The following SORCS1 variants were observed in gnomAD, a reference collection of about 807,000 sequenced individuals.
SORCS1 encodes sortilin related VPS10 domain containing receptor 1.
Under a neutral mutation model 146.1 loss-of-function variants are expected in SORCS1, and 60 were observed. That is an observed-to-expected ratio of 0.41 (90% confidence interval 0.33 to 0.51). The LOEUF (loss-of-function observed/expected upper bound fraction) is 0.51, where lower values mean the gene tolerates loss of function less well. SORCS1 is among the 20% of genes least tolerant of loss of function. The probability of loss-of-function intolerance (pLI) is 0.21; values close to 1 mark genes in which losing one functional copy is unlikely to be tolerated. For missense variants in SORCS1, 1,352 were observed against 1,487.6 expected (o/e 0.91, Z 1.50); for synonymous variants, 637 against 584.0 (o/e 1.09, Z -1.31).
chr10:107,145,610 A>G (rs1028057764), intron 1 of SORCS1, among the ~76,000 whole-genome samples: 29 of 152,368 alleles, frequency 1.9e-4, no homozygotes, highest in African/African-American at 6.5e-4. Context: ...AAGCAGGTCT[A>G]AAAATAATAA....
In SORCS1 at chr10:106,985,640, G is replaced by A. The variant is rs1030535551; in HGVS notation, c.559-29060C>T. ...AGCCTCTAACTTCCCGGGTTCAAGC[G>A]ATTCTCCTGCCTCAGCTTCCCGAGT... On this transcript the variant is annotated intron_variant, in intron 1 of 25. Transcript: ENST00000263054. 6.6e-5 allele frequency among the ~76,000 whole-genome samples: 10 copies of A among 151,216 alleles called. No homozygotes were observed. The East Asian group carries it at 7.9e-4, about 12-fold the overall frequency.
At chr10:107,050,257 C>G (rs967217836) in intron 1 of SORCS1, among the ~76,000 whole-genome samples, 1 of 151,962 alleles carries the variant, frequency 6.6e-6, no homozygotes, top group African/African-American at 2.4e-5. Flanking sequence ...TTTTTTCTGG[C>G]AACTTACTTT....
intron 1 of SORCS1, among the ~76,000 whole-genome samples, chr10:106,957,246 T>G (rs1955003208): frequency 6.6e-6 from 1 of 150,386 alleles, no homozygotes; most frequent in East Asian, 2.0e-4. Context: ...CGATCTCGGC[T>G]CACTGCAACC....
intron 2 of SORCS1, among the ~76,000 whole-genome samples, chr10:106,937,169 C>A (rs1953764391): frequency 1.1e-5 from 1 of 94,234 alleles, no homozygotes; most frequent in African/African-American, 3.5e-5. Context: ...CTCAGAAGAT[C>A]TGATTTTTTT....
intron 4 of SORCS1, among the ~76,000 whole-genome samples, chr10:106,772,084 G>GT (rs915135385): frequency 1.3e-5 from 2 of 152,128 alleles, no homozygotes; most frequent in African/African-American, 2.4e-5. Flanking sequence ...ATCTGTAAGG[G>GT]TTTTTTTAGA....
At chr10:106,750,621 C>T (rs1218556751) in intron 5 of SORCS1, among the ~76,000 whole-genome samples, 3 of 142,288 alleles carry the variant, frequency 2.1e-5, no homozygotes, top group Non-Finnish European at 4.5e-5. Flanking sequence ...CCCAGCTACT[C>T]GGGAGGCTGA....
chr10:107,146,621 G>A (rs1053915709), intron 1 of SORCS1, among the ~76,000 whole-genome samples: 1 of 152,082 alleles, frequency 6.6e-6, no homozygotes, highest in African/African-American at 2.4e-5. Context: ...GGAAAAACTT[G>A]AGGCTACTTG....
intron 3 of SORCS1, among the ~76,000 whole-genome samples, chr10:106,779,635 C>T (rs1426955173): frequency 6.7e-6 from 1 of 148,840 alleles, no homozygotes; most frequent in Non-Finnish European, 1.5e-5. Flanking sequence ...ACTGCAACCT[C>T]TGCCCTCTGC....
intron 12 of SORCS1, 28 bp from the exon 13 acceptor site, chr10:106,677,432 A>ACAAATC (rs757481540): frequency 1.3e-6 from 2 of 1,581,504 alleles, no homozygotes; most frequent in South Asian, 1.1e-5. Context: ...ATACATGGAC[A>ACAAATC]CACATCCACA....
intron 1 of SORCS1, among the ~76,000 whole-genome samples, chr10:106,999,527 G>A (rs541498236): frequency 2.6e-5 from 4 of 152,318 alleles, no homozygotes; most frequent in African/African-American, 9.6e-5. Context: ...AAATTACACA[G>A]AAGAAACAGG....
chr10:106,917,052 A>G (rs1952479669), intron 2 of SORCS1, among the ~76,000 whole-genome samples: 1 of 151,954 alleles, frequency 6.6e-6, no homozygotes, highest in Admixed American at 6.6e-5. Context: ...CCACTTTCCA[A>G]TTTTTCTTTT....
chr10:106,868,219 C>T (rs1950288996), intron 2 of SORCS1, among the ~76,000 whole-genome samples: 1 of 152,114 alleles, frequency 6.6e-6, no homozygotes, highest in African/African-American at 2.4e-5. Context: ...TAGAGATCTA[C>T]AAAGAAACAC....
At chr10:106,607,828 A>T (rs897174651) in intron 22 of SORCS1, among the ~76,000 whole-genome samples, 14 of 152,116 alleles carry the variant, frequency 9.2e-5, no homozygotes, top group African/African-American at 3.4e-4. Context: ...GACCCACCAC[A>T]TCCTAACCAC....
intron 1 of SORCS1, among the ~76,000 whole-genome samples, chr10:106,964,808 CTTGCTATG>C (rs1020364075): frequency 2.0e-5 from 3 of 151,580 alleles, no homozygotes; most frequent in Admixed American, 1.3e-4. Context: ...GATATAGGGT[CTTGCTATG>C]TTGCCTAGGC....
intron 12 of SORCS1, among the ~76,000 whole-genome samples, chr10:106,679,012 TA>T (rs997161688): frequency 6.6e-6 from 1 of 152,186 alleles, no homozygotes; most frequent in Non-Finnish European, 1.5e-5. Context: ...TTGTGACTTA[TA>T]AACACCCTTA....
chr10:106,865,068 G>C (rs1950179238), intron 2 of SORCS1, among the ~76,000 whole-genome samples: 1 of 152,174 alleles, frequency 6.6e-6, no homozygotes, highest in Admixed American at 6.5e-5. Context: ...TTTGGGCTTT[G>C]GAGAGACATA....
At chr10:106,976,988 T>C (rs1015139434) in intron 1 of SORCS1, among the ~76,000 whole-genome samples, 1 of 152,210 alleles carries the variant, frequency 6.6e-6, no homozygotes, top group Non-Finnish European at 1.5e-5. Context: ...CAAACAGTGC[T>C]GCAATAAACA....
intron 1 of SORCS1, among the ~76,000 whole-genome samples, chr10:107,037,594 G>A (rs1286485389): frequency 3.3e-5 from 5 of 152,220 alleles, no homozygotes; most frequent in African/African-American, 1.2e-4. Context: ...AGGCAAAATT[G>A]TGGAGAAACT....
intron 17 of SORCS1, among the ~76,000 whole-genome samples, chr10:106,666,488 C>T (rs1483248681): frequency 6.6e-6 from 1 of 152,100 alleles, no homozygotes; most frequent in Non-Finnish European, 1.5e-5. Flanking sequence ...CTGACTTACC[C>T]TGCAGATCTT....
Sources: allele counts gnomAD v4.1 joint callset (sites outside exome capture counted in the v4.1 genomes callset), GRCh38; gene constraint gnomAD v4.1.1; transcripts MANE v1.5; gene names NCBI Gene and HGNC (gene_info 2026-07-23, HGNC 2026-07-21).